Variants in PCDH15 observed in about 807,000 individuals in gnomAD.
PCDH15 encodes protocadherin-15.
Under a neutral mutation model 178.5 loss-of-function variants are expected in PCDH15, and 129 were observed. The observed-to-expected ratio is 0.72, with a 90% CI of 0.63 to 0.84. The LOEUF (loss-of-function observed/expected upper bound fraction) is 0.84. Among genes scored for constraint, PCDH15 ranks in the 40% least tolerant of loss-of-function variants. The pLI is 0.00. For missense variants in PCDH15, 2,230 were observed against 2,099.9 expected (o/e 1.06, Z -1.21); for synonymous variants, 800 against 732.0 (o/e 1.09, Z -1.50).
At chr10:54,131,749 T>G (rs950824098) in intron 15 of PCDH15, among the ~76,000 whole-genome samples, 3 of 152,158 alleles carry the variant, frequency 2.0e-5, no homozygotes, top group Non-Finnish European at 4.4e-5. Flanking sequence ...TAGCCCTGTT[T>G]TAGAAGTGAT....
chr10:54,321,150 G>A (rs2061578650), intron 7 of PCDH15, among the ~76,000 whole-genome samples: 1 of 148,786 alleles, frequency 6.7e-6, no homozygotes, highest in African/African-American at 2.4e-5. Context: ...TTGTGGCACT[G>A]GAGTTAATAT....
At chr10:55,563,733 C>T (rs567244112) in intron 2 of PCDH15, among the ~76,000 whole-genome samples, 2 of 148,824 alleles carry the variant, frequency 1.3e-5, no homozygotes, top group Non-Finnish European at 3.0e-5. Flanking sequence ...GGAAAGCATA[C>T]AGAAAGTCAA....
intron 2 of PCDH15, among the ~76,000 whole-genome samples, chr10:54,663,897 A>G (rs1012630119): frequency 1.3e-5 from 2 of 151,904 alleles, no homozygotes; most frequent in African/African-American, 4.8e-5. Context: ...GAAATTAAGC[A>G]TTTACCTAGT....
At chr10:55,055,544 T>C (rs1841275662) in intron 2 of PCDH15, among the ~76,000 whole-genome samples, 1 of 152,208 alleles carries the variant, frequency 6.6e-6, no homozygotes, top group African/African-American at 2.4e-5. Flanking sequence ...GGCTCACACC[T>C]GTCATCGCAG....
At chr10:54,482,229 G>A (rs1488944136) in intron 3 of PCDH15, among the ~76,000 whole-genome samples, 1 of 151,768 alleles carries the variant, frequency 6.6e-6, no homozygotes, top group Non-Finnish European at 1.5e-5. Context: ...GGAAATCTAT[G>A]CAGTTTTGAA....
chr10:55,587,413 T>C (rs1349732950), intron 2 of PCDH15, among the ~76,000 whole-genome samples: 10 of 90,678 alleles, frequency 1.1e-4, no homozygotes, highest in Non-Finnish European at 1.4e-4. Context: ...GTAAGAAAAG[T>C]AGGCACTGGT....
intron 1 of PCDH15, among the ~76,000 whole-genome samples, chr10:55,240,196 GA>G (rs1432694382): frequency 1.3e-5 from 2 of 152,048 alleles, no homozygotes; most frequent in African/African-American, 4.8e-5. Context: ...CAAAAGAAAG[GA>G]AACTGATACA....
At chr10:54,704,314 T>C (rs2095343946) in intron 1 of PCDH15, among the ~76,000 whole-genome samples, 1 of 152,044 alleles carries the variant, frequency 6.6e-6, no homozygotes, top group Admixed American at 6.6e-5. Context: ...CAGACTTTGA[T>C]AGTTTGAACT....
intron 3 of PCDH15, among the ~76,000 whole-genome samples, chr10:54,878,904 A>G (rs1954204799): frequency 6.6e-6 from 1 of 152,124 alleles, no homozygotes; most frequent in Non-Finnish European, 1.5e-5. Flanking sequence ...TCTCACTTAT[A>G]TGTGAGATCA....
chr10:54,911,071 G>C (rs746483099), intron 2 of PCDH15, among the ~76,000 whole-genome samples: 108 of 152,366 alleles, frequency 7.1e-4, no homozygotes, highest in Non-Finnish European at 1.1e-3. Context: ...TGGAAAGGAT[G>C]AAGTGAAATA....
At position 53,935,085 on chromosome 10, in the gene PCDH15, T is replaced by G. The variant is rs1428417659; in HGVS notation, c.3373+3730A>C. Reference sequence around the variant, plus strand: ...CTAAAGAAAAAATAAAGGCAATTATTTGGAAATTCAGAAATAAGACCAGTT... The same window carrying G: ...CTAAAGAAAAAATAAAGGCAATTATGTGGAAATTCAGAAATAAGACCAGTT... On this transcript the variant is annotated intron_variant, in intron 25 of 37. Coordinates refer to ENST00000644397, the MANE Select transcript of PCDH15 (RefSeq NM_001384140.1). Among the ~76,000 whole-genome samples, 3 of 152,278 alleles carry G rather than the reference T, an allele frequency of 2.0e-5. No individual in the cohort carries two copies. In the East Asian group the frequency reaches 5.8e-4, roughly 29 times the overall value.
In PCDH15 at chr10:54,774,007, C is replaced by CTTTTTTTT. The variant is rs763704132; in HGVS notation, c.-29+26910_-29+26917dup. ...TAGATGAACTGGCATACTTCATAGG[C>CTTTTTTTT]TTTTTTTTTTTTTTTTTTTTTTTTT... On this transcript the variant is annotated intron_variant, in intron 1 of 37. Coordinates refer to ENST00000644397, the MANE Select transcript of PCDH15 (RefSeq NM_001384140.1). Among the ~76,000 whole-genome samples, 92 of 75,378 alleles carry CTTTTTTTT rather than the reference C, an allele frequency of 1.2e-3. 19 individuals are homozygous for CTTTTTTTT. Among genetic ancestry groups the CTTTTTTTT allele is most frequent in the Non-Finnish European group, 1.5e-3 (60 of 39,278 alleles). 49.5% of individuals were successfully genotyped at this position (75,378 alleles called of 152,430 possible). A position where few individuals can be genotyped will look rare whatever the true frequency, so the allele number is the denominator to read the frequency against.
chr10:55,424,907 A>C (rs1056754873), intron 2 of PCDH15, among the ~76,000 whole-genome samples: 1 of 152,030 alleles, frequency 6.6e-6, no homozygotes, highest in Non-Finnish European at 1.5e-5. Context: ...AAAGTGTGAT[A>C]TTAAAAAATA....
At chr10:54,798,731 T>C (rs1327230737) in intron 1 of PCDH15, among the ~76,000 whole-genome samples, 1 of 152,124 alleles carries the variant, frequency 6.6e-6, no homozygotes, top group African/African-American at 2.4e-5. Flanking sequence ...CTTTTCCTTG[T>C]GTTCAAATCC....
At chr10:54,297,199 G>A (rs1298857081) in intron 8 of PCDH15, among the ~76,000 whole-genome samples, 1 of 152,054 alleles carries the variant, frequency 6.6e-6, no homozygotes, top group Admixed American at 6.6e-5. Flanking sequence ...AACCGCAGGT[G>A]GTTTTGTCTT....
intron 1 of PCDH15, among the ~76,000 whole-genome samples, chr10:54,761,048 T>C (rs1464694558): frequency 1.3e-5 from 2 of 152,128 alleles, no homozygotes; most frequent in South Asian, 2.1e-4. Flanking sequence ...AACTAGATTC[T>C]GAGCCTCAAA....
intron 20 of PCDH15, among the ~76,000 whole-genome samples, chr10:54,008,940 C>A (rs1237986461): frequency 6.6e-6 from 1 of 152,038 alleles, no homozygotes; most frequent in Non-Finnish European, 1.5e-5. Flanking sequence ...TCATAACCAC[C>A]AATATTATAT....
intron 2 of PCDH15, among the ~76,000 whole-genome samples, chr10:55,582,616 ATATATATATATATTTTTT>A (rs1842640410): frequency 1.1e-5 from 1 of 88,962 alleles, no homozygotes; most frequent in African/African-American, 5.8e-5. Context: ...ATATATATAT[ATATATATATATATTTTTT>A]TTTTTTTGCT....
intron 8 of PCDH15, among the ~76,000 whole-genome samples, chr10:54,286,999 A>C (rs960985974): frequency 2.7e-4 from 41 of 152,214 alleles, no homozygotes; most frequent in African/African-American, 9.4e-4. Flanking sequence ...CTATTATCCT[A>C]GAAAATAGGT....
Sources: allele counts gnomAD v4.1 joint callset (sites outside exome capture counted in the v4.1 genomes callset), GRCh38; gene constraint gnomAD v4.1.1; transcripts MANE v1.5; gene names NCBI Gene and HGNC (gene_info 2026-07-23, HGNC 2026-07-21).